Variants in ATP10B observed in about 807,000 individuals in gnomAD.
ATP10B encodes the protein ATPase phospholipid transporting 10B (putative).
A neutral mutation model predicts 141.2 loss-of-function variants in ATP10B; 122 were observed. The observed-to-expected ratio is 0.86, with a 90% CI of 0.75 to 1.00. ATP10B has a LOEUF of 1.00. ATP10B is among the 50% of genes least tolerant of loss of function. ATP10B has a pLI of 0.00. For missense variants in ATP10B, 1,876 were observed against 1,825.3 expected (o/e 1.03, Z -0.51); for synonymous variants, 685 against 692.0 (o/e 0.99, Z 0.16).
chr5:160,790,526 G>A (rs1771492483), intron 1 of ATP10B, among the ~76,000 whole-genome samples: 1 of 152,086 alleles, frequency 6.6e-6, no homozygotes, highest in African/African-American at 2.4e-5. Flanking sequence ...GATATATGAG[G>A]TATCGCTCAA....
At chr5:160,767,907 C>T (rs1769595641) in intron 2 of ATP10B, among the ~76,000 whole-genome samples, 1 of 152,000 alleles carries the variant, frequency 6.6e-6, no homozygotes, top group Non-Finnish European at 1.5e-5. Flanking sequence ...TGTGTTTGTT[C>T]TGAAGTCTGA....
chr5:160,633,387 A>T (rs966799596), intron 12 of ATP10B: 1 of 152,286 alleles, frequency 6.6e-6, no homozygotes, highest in Non-Finnish European at 1.5e-5. Flanking sequence ...GCCATAAAAA[A>T]GGATGAGTTC....
chr5:160,584,259 C>T (rs532538862), intron 24 of ATP10B, among the ~76,000 whole-genome samples: 7 of 152,204 alleles, frequency 4.6e-5, no homozygotes, highest in Non-Finnish European at 1.0e-4. Flanking sequence ...CTCATGGCTC[C>T]TCATGGCTTC....
intron 24 of ATP10B, among the ~76,000 whole-genome samples, chr5:160,578,004 C>T (rs192288558): frequency 1.3e-5 from 2 of 152,046 alleles, no homozygotes; most frequent in East Asian, 3.9e-4. Context: ...AAATATCAAA[C>T]TATGATTGTG....
chr5:160,768,872 G>A (rs977441294), intron 2 of ATP10B, among the ~76,000 whole-genome samples: 1 of 152,188 alleles, frequency 6.6e-6, no homozygotes, highest in Non-Finnish European at 1.5e-5. Context: ...TGGACACTGG[G>A]AGAGGTACTG....
At chr5:160,682,508 T>C (rs1337763907) in intron 6 of ATP10B, among the ~76,000 whole-genome samples, 2 of 152,152 alleles carry the variant, frequency 1.3e-5, no homozygotes, top group Non-Finnish European at 2.9e-5. Context: ...TCCTGCCAGC[T>C]CCCAGCACAG....
intron 1 of ATP10B, among the ~76,000 whole-genome samples, chr5:160,822,181 T>C (rs1774160650): frequency 6.6e-6 from 1 of 151,878 alleles, no homozygotes; most frequent in Admixed American, 6.6e-5. Context: ...AATCTAATAA[T>C]CTGATTAAAA....
At chr5:160,646,639 A>T (rs1760292778) in intron 8 of ATP10B, among the ~76,000 whole-genome samples, 1 of 152,168 alleles carries the variant, frequency 6.6e-6, no homozygotes, top group African/African-American at 2.4e-5. Flanking sequence ...CTGGCTGTGG[A>T]TTTAATACTG....
intron 7 of ATP10B, among the ~76,000 whole-genome samples, chr5:160,667,089 G>C (rs1270139785): frequency 6.6e-6 from 1 of 152,114 alleles, no homozygotes; most frequent in African/African-American, 2.4e-5. Flanking sequence ...GTGGTGGCCG[G>C]CACCTGTAGT....
At chr5:160,761,024 C>T (rs893205588) in intron 2 of ATP10B, among the ~76,000 whole-genome samples, 11 of 152,098 alleles carry the variant, frequency 7.2e-5, no homozygotes, top group African/African-American at 1.4e-4. Flanking sequence ...TCCTGGCCAG[C>T]GTAGGGTAAG....
chr5:160,850,764 A>C (rs4504420), intron 1 of ATP10B, among the ~76,000 whole-genome samples: 89,369 of 151,976 alleles, frequency 0.59, 28,997 homozygotes, highest in East Asian at 0.85. Flanking sequence ...GTGATGTTAT[A>C]CTGCTATACT....
At position 160,622,413 on chromosome 5, in the gene ATP10B, G is replaced by A. The variant is rs80300275; in HGVS notation, c.1793C>T (p.Thr598Ile). The A allele has an allele frequency of 1.6e-4, 265 of 1,613,592 alleles. No homozygotes were observed. In the East Asian group the frequency reaches 5.7e-3, roughly 35 times the overall value. Residue 598 changes from threonine (T) to isoleucine (I), a missense_variant, in exon 14 of 26, where the codon ACC becomes ATC. Transcript: ENST00000327245. ...CCTTACCCTCTGCCTGGGCTCGGTG[G>A]TTGTGGACACCATGACAGAGTTGCA... ...TICNSVMVST[T>I]TEPRQRVTIK...
rs755299525 is a variant in ATP10B at position 160,670,609 on chromosome 5, G to C, written c.529C>G (p.Gln177Glu). ...WKDVRVGDFI[Q>E]MKCNEIVPAD... ...GGGACAATCTCATTGCATTTCATTT[G>C]GATGAAGTCTCCCACGCGCACATCC... The change falls in exon 7 of 26, where the codon CAA (glutamine) becomes GAA (glutamate). Residue 177 changes from glutamine (Q) to glutamate (E), a missense_variant. Transcript: ENST00000327245. 1.5e-5 allele frequency: 24 copies of C among 1,613,884 alleles called. No homozygotes were observed. Among genetic ancestry groups the C allele is most frequent in the Non-Finnish European group, 1.9e-5 (22 of 1,179,862 alleles).
chr5:160,672,164 A>T (rs913112192), intron 6 of ATP10B, among the ~76,000 whole-genome samples: 1 of 151,518 alleles, frequency 6.6e-6, no homozygotes, highest in African/African-American at 2.4e-5. Context: ...TTTAGTAGAG[A>T]TGGGGTTTCA....
At chr5:160,603,901 C>G (rs1018270368) in intron 20 of ATP10B, 64 bp downstream of exon 20, 4 of 1,449,444 alleles carry the variant, frequency 2.8e-6, no homozygotes, top group Non-Finnish European at 3.9e-6. Flanking sequence ...CTCCAACACT[C>G]TGGATATTTC....
chr5:160,607,113 T>C, intron 18 of ATP10B, 27 bp from the exon 19 acceptor site: 1 of 1,574,824 alleles, frequency 6.3e-7, no homozygotes, highest in Non-Finnish European at 8.7e-7. Context: ...TAATACAGTA[T>C]TTGTAAGCAA....
the ATP10B span, among the ~76,000 whole-genome samples, chr5:160,881,207 G>C: frequency 1.3e-5 from 2 of 152,178 alleles, no homozygotes; most frequent in South Asian, 2.1e-4. Context: ...ACATTAAATG[G>C]CATCAGGAAA....
chr5:160,894,286 A>G, the ATP10B span, among the ~76,000 whole-genome samples: 1 of 152,130 alleles, frequency 6.6e-6, no homozygotes, highest in African/African-American at 2.4e-5. Flanking sequence ...AGCCCAATGC[A>G]AGGAAGCTAA....
intron 7 of ATP10B, among the ~76,000 whole-genome samples, chr5:160,653,569 A>G (rs1761114501): frequency 5.1e-5 from 1 of 19,548 alleles, no homozygotes; most frequent in Admixed American, 3.8e-4. Flanking sequence ...TATATATTAC[A>G]TATACATATA....
Sources: allele counts gnomAD v4.1 joint callset (sites outside exome capture counted in the v4.1 genomes callset), GRCh38; gene constraint gnomAD v4.1.1; transcripts MANE v1.5; gene names NCBI Gene and HGNC (gene_info 2026-07-23, HGNC 2026-07-21).